The following LRMDA variants were observed in gnomAD, a reference collection of about 807,000 sequenced individuals.
LRMDA encodes the protein leucine-rich melanocyte differentiation-associated protein.
In LRMDA, 18 loss-of-function variants were observed where a neutral mutation model predicts 29.8. That is an observed-to-expected ratio of 0.60 (90% CI 0.42 to 0.90). The LOEUF is 0.90. Ranked by LOEUF, LRMDA falls within the 40% of genes least tolerant of loss-of-function variation. The probability of loss-of-function intolerance (pLI) is 0.00; values close to 1 mark genes in which losing one functional copy is unlikely to be tolerated. For missense variants in LRMDA, 273 were observed against 273.9 expected (o/e 1.00, Z 0.02); for synonymous variants, 125 against 109.4 (o/e 1.14, Z -0.89).
At chr10:76,035,404 A>C (rs1201302175) in intron 2 of LRMDA, among the ~76,000 whole-genome samples, 9 of 152,176 alleles carry the variant, frequency 5.9e-5, no homozygotes, top group Admixed American at 6.5e-5. Flanking sequence ...GACGCTGGGC[A>C]GAAGCAAATT....
chr10:76,064,925 A>AC (rs1554844194), intron 5 of LRMDA, among the ~76,000 whole-genome samples: 2 of 151,318 alleles, frequency 1.3e-5, no homozygotes, highest in Non-Finnish European at 3.0e-5. Context: ...TGTTTTTATG[A>AC]TTTTTTTTTC....
intron 3 of LRMDA, among the ~76,000 whole-genome samples, chr10:76,036,354 A>ACC (rs1848245949): frequency 6.6e-6 from 1 of 152,238 alleles, no homozygotes; most frequent in African/African-American, 2.4e-5. Flanking sequence ...AATGAAACGC[A>ACC]CCATTATATC....
At chr10:76,069,580 C>T (rs945150103) in intron 5 of LRMDA, among the ~76,000 whole-genome samples, 3 of 150,214 alleles carry the variant, frequency 2.0e-5, no homozygotes, top group African/African-American at 7.3e-5. Flanking sequence ...AACTAATACT[C>T]TGTCTAGGCT....
chr10:75,715,461 A>G (rs1441304303), intron 2 of LRMDA, among the ~76,000 whole-genome samples: 1 of 152,062 alleles, frequency 6.6e-6, no homozygotes, highest in Non-Finnish European at 1.5e-5. Flanking sequence ...TTTTTTTTAA[A>G]TACATATATA....
chr10:76,184,600 G>A (rs955385926), intron 5 of LRMDA, among the ~76,000 whole-genome samples: 2 of 152,204 alleles, frequency 1.3e-5, no homozygotes, highest in African/African-American at 4.8e-5. Context: ...TGTATGAAGT[G>A]GGTAAGGATG....
At chr10:75,493,502 G>A (rs1366778462) in intron 2 of LRMDA, among the ~76,000 whole-genome samples, 1 of 152,074 alleles carries the variant, frequency 6.6e-6, no homozygotes, top group African/African-American at 2.4e-5. Context: ...CACAGGATGG[G>A]CCACCACGCT....
Position 76,151,080 on chromosome 10 carries a change from C to T in LRMDA, c.516+92297C>T, listed in dbSNP as rs115845234. On this transcript the variant is annotated intron_variant, in intron 5 of 6. Transcript: ENST00000611255. ...GCTGGGTCATCCAGACCTGAGCAGGCACAGGCAGGGGTGGCAGCTTCAGAC... is the reference window on the plus strand; with the variant it reads ...GCTGGGTCATCCAGACCTGAGCAGGTACAGGCAGGGGTGGCAGCTTCAGAC... Among the ~76,000 whole-genome samples the T allele has an allele frequency of 6.6e-3, 1,008 of 152,252 alleles. 11 individuals are homozygous for T. Among genetic ancestry groups the T allele is most frequent in the African/African-American group, 0.023 (949 of 41,546 alleles).
At chr10:75,449,387 T>C (rs7910087) in intron 2 of LRMDA, among the ~76,000 whole-genome samples, 73,137 of 151,932 alleles carry the variant, frequency 0.48, 18,104 homozygotes, top group East Asian at 0.55. Context: ...CTGGGATAAA[T>C]GGCCCCAGTG....
intron 2 of LRMDA, among the ~76,000 whole-genome samples, chr10:75,935,714 G>T (rs1057285073): frequency 3.9e-5 from 6 of 152,178 alleles, no homozygotes; most frequent in Admixed American, 2.0e-4. Flanking sequence ...AAGGGCTGCA[G>T]GTGTGGGTAA....
chr10:76,326,228 G>A (rs1270271987), intron 6 of LRMDA, among the ~76,000 whole-genome samples: 1 of 152,174 alleles, frequency 6.6e-6, no homozygotes, highest in African/African-American at 2.4e-5. Context: ...TTATTGAACT[G>A]ATCTATGTAG....
intron 2 of LRMDA, among the ~76,000 whole-genome samples, chr10:76,015,854 C>T (rs1305694903): frequency 6.6e-6 from 1 of 152,184 alleles, no homozygotes; most frequent in African/African-American, 2.4e-5. Flanking sequence ...TTACCAACTC[C>T]TCTGTTTTCT....
chr10:76,090,586 C>T (rs1023701128), intron 5 of LRMDA, among the ~76,000 whole-genome samples: 7 of 152,098 alleles, frequency 4.6e-5, no homozygotes, highest in Admixed American at 2.0e-4. Flanking sequence ...CACCCATGTT[C>T]GTAGCAGCAT....
chr10:76,522,435 A>T (rs1843130690), intron 6 of LRMDA, among the ~76,000 whole-genome samples: 1 of 152,202 alleles, frequency 6.6e-6, no homozygotes, highest in Non-Finnish European at 1.5e-5. Context: ...GGGATATGAT[A>T]AACAGTCAAT....
At chr10:76,337,668 A>G (rs1840986044) in intron 6 of LRMDA, among the ~76,000 whole-genome samples, 1 of 152,148 alleles carries the variant, frequency 6.6e-6, no homozygotes, top group Non-Finnish European at 1.5e-5. Context: ...TAAATGTTAA[A>G]CCCAGGAGCA....
chr10:75,664,342 G>A (rs1841794024), intron 2 of LRMDA, among the ~76,000 whole-genome samples: 1 of 152,242 alleles, frequency 6.6e-6, no homozygotes, highest in Non-Finnish European at 1.5e-5. Context: ...GTATTAGGTA[G>A]TAGAGAGGAA....
intron 6 of LRMDA, among the ~76,000 whole-genome samples, chr10:76,451,063 C>A (rs1842401221): frequency 6.6e-6 from 1 of 152,122 alleles, no homozygotes; most frequent in African/African-American, 2.4e-5. Flanking sequence ...GATTGTTGTG[C>A]TCTAAGACCA....
At chr10:76,345,872 T>C (rs1214497602) in intron 6 of LRMDA, among the ~76,000 whole-genome samples, 1 of 152,108 alleles carries the variant, frequency 6.6e-6, no homozygotes, top group Admixed American at 6.5e-5. Flanking sequence ...TATATGTCTG[T>C]CAGGAAAGAA....
At chr10:76,015,348 C>T (rs539085915) in intron 2 of LRMDA, among the ~76,000 whole-genome samples, 1 of 152,300 alleles carries the variant, frequency 6.6e-6, no homozygotes, top group Admixed American at 6.5e-5. Context: ...GGGAGGATCC[C>T]TTTCCAAGCT....
At chr10:75,797,959 C>T (rs943071469) in intron 2 of LRMDA, among the ~76,000 whole-genome samples, 1 of 152,164 alleles carries the variant, frequency 6.6e-6, no homozygotes, top group African/African-American at 2.4e-5. Context: ...TCCAATTTCT[C>T]TACATCCCCC....
Sources: gnomAD v4.1 joint callset for allele counts (sites outside exome capture counted in the v4.1 genomes callset) on GRCh38, gnomAD v4.1.1 for gene constraint, MANE v1.5 for transcripts, NCBI Gene and HGNC (gene_info 2026-07-23, HGNC 2026-07-21) for gene names.